Variants in LAMA2 observed in about 807,000 individuals in gnomAD.
The protein encoded by LAMA2 is laminin subunit alpha-2.
A neutral mutation model predicts 364.8 loss-of-function variants in LAMA2; 269 were observed. The observed-to-expected ratio is 0.74, with a 90% CI of 0.67 to 0.82. The LOEUF (loss-of-function observed/expected upper bound fraction) is 0.82. Ranked by LOEUF, LAMA2 falls within the 40% of genes least tolerant of loss-of-function variation. The pLI is 0.00. For synonymous variants in LAMA2, 1,379 were observed against 1,370.6 expected (o/e 1.01, Z -0.14); for missense variants, 3,807 against 3,873.2 (o/e 0.98, Z 0.45).
intron 27 of LAMA2, among the ~76,000 whole-genome samples, chr6:129,318,291 G>C (rs577436295): frequency 6.6e-6 from 1 of 151,794 alleles, no homozygotes; most frequent in East Asian, 1.9e-4. Context: ...CTTTGCTTTT[G>C]TTTCCTTTTA....
Position 128,883,226 on chromosome 6 carries a change from A to T in LAMA2, c.-20A>T. The T allele has an allele frequency of 6.5e-7, 1 of 1,547,704 alleles. No individual in the cohort carries two copies. The highest frequency in any genetic ancestry group is 2.4e-5 in the East Asian group (1 of 40,952). On this transcript the variant is annotated 5_prime_UTR_variant, in exon 1 of 65. Transcript: ENST00000421865. Reference sequence around the variant, plus strand: ...GACTCCTCTGGCTCCCGAGAAGTGGATCCGGTCGCGGCCACTACGATGCCG... The same window carrying T: ...GACTCCTCTGGCTCCCGAGAAGTGGTTCCGGTCGCGGCCACTACGATGCCG...
In LAMA2 at chr6:129,021,599, A is replaced by G. The variant is rs143355613; in HGVS notation, c.113-28319A>G. ...CCATAAGAATTAGCAGAAGCTTTGG[A>G]GAGAAAAGGTAGGAGACTGAATGCC... On this transcript the variant is annotated intron_variant, in intron 1 of 64. Coordinates refer to ENST00000421865, the MANE Select transcript of LAMA2 (RefSeq NM_000426.4). Among the ~76,000 whole-genome samples, 951 of 152,300 alleles carry G rather than the reference A, an allele frequency of 6.2e-3. 6 individuals are homozygous for G. Among genetic ancestry groups the G allele is most frequent in the African/African-American group, 0.022 (907 of 41,560 alleles).
chr6:128,894,740 G>A (rs1183124292), intron 1 of LAMA2, among the ~76,000 whole-genome samples: 1 of 152,036 alleles, frequency 6.6e-6, no homozygotes, highest in African/African-American at 2.4e-5. Flanking sequence ...TTTTTCTTCT[G>A]GGAGTGTGTG....
At chr6:129,276,307 CT>C (rs1788325272) in intron 17 of LAMA2, among the ~76,000 whole-genome samples, 1 of 152,076 alleles carries the variant, frequency 6.6e-6, no homozygotes, top group Admixed American at 6.6e-5. Flanking sequence ...AGAACATGCC[CT>C]GATTTTCTAA....
chr6:129,202,511 C>G (rs528242884), intron 12 of LAMA2, among the ~76,000 whole-genome samples: 1 of 152,134 alleles, frequency 6.6e-6, no homozygotes, highest in African/African-American at 2.4e-5. Context: ...GAGAGCAAGC[C>G]CTCACCACAC....
intron 35 of LAMA2, among the ~76,000 whole-genome samples, chr6:129,384,300 A>G (rs541311908): frequency 6.6e-6 from 1 of 152,152 alleles, no homozygotes; most frequent in Non-Finnish European, 1.5e-5. Flanking sequence ...CCTCCAACCC[A>G]AAACAACAAC....
At chr6:129,502,833 T>G in intron 59 of LAMA2, 62 bp downstream of exon 59, 1 of 1,135,214 alleles carries the variant, frequency 8.8e-7, no homozygotes, top group Non-Finnish European at 1.3e-6. Context: ...TATTTGTGTT[T>G]AATCAAGTTG....
At chr6:129,152,687 CTT>C (rs967911489) in intron 7 of LAMA2, among the ~76,000 whole-genome samples, 1 of 152,122 alleles carries the variant, frequency 6.6e-6, no homozygotes, top group Non-Finnish European at 1.5e-5. Flanking sequence ...AAATAGGAAA[CTT>C]TTCTAACATT....
intron 1 of LAMA2, among the ~76,000 whole-genome samples, chr6:128,900,385 T>C (rs1777014738): frequency 6.6e-6 from 1 of 152,188 alleles, no homozygotes; most frequent in Non-Finnish European, 1.5e-5. Flanking sequence ...GTATCCTTAC[T>C]GCATAGCACA....
intron 29 of LAMA2, among the ~76,000 whole-genome samples, chr6:129,330,259 C>T (rs1775550196): frequency 6.6e-6 from 1 of 151,992 alleles, no homozygotes; most frequent in African/African-American, 2.4e-5. Context: ...AACCATCCCC[C>T]AATCCTAGTC....
chr6:129,140,561 A>G (rs942920657), intron 4 of LAMA2, among the ~76,000 whole-genome samples: 5 of 152,098 alleles, frequency 3.3e-5, no homozygotes, highest in African/African-American at 1.2e-4. Flanking sequence ...ACAGCAAGAC[A>G]GTGGTGGTCT....
At chr6:129,028,628 T>C (rs1786003876) in intron 1 of LAMA2, among the ~76,000 whole-genome samples, 1 of 151,834 alleles carries the variant, frequency 6.6e-6, no homozygotes, top group Non-Finnish European at 1.5e-5. Context: ...TGTTTCAACA[T>C]GCTTGGGACA....
intron 1 of LAMA2, among the ~76,000 whole-genome samples, chr6:128,923,585 T>A (rs1055637081): frequency 5.9e-5 from 9 of 152,112 alleles, no homozygotes; most frequent in African/African-American, 2.2e-4. Flanking sequence ...ATATATTTAA[T>A]ACAGAAAGGA....
At chr6:129,136,756 T>A (rs1176186483) in intron 4 of LAMA2, among the ~76,000 whole-genome samples, 1 of 152,206 alleles carries the variant, frequency 6.6e-6, no homozygotes, top group Non-Finnish European at 1.5e-5. Context: ...CATTCAGGAA[T>A]GACAAGTGCA....
chr6:129,138,141 A>G (rs189531317), intron 4 of LAMA2, among the ~76,000 whole-genome samples: 1 of 152,098 alleles, frequency 6.6e-6, no homozygotes, highest in East Asian at 1.9e-4. Context: ...GTGACCATCT[A>G]GTAGATATCC....
At chr6:129,303,260 A>C (rs910738961) in intron 22 of LAMA2, among the ~76,000 whole-genome samples, 16 of 152,180 alleles carry the variant, frequency 1.1e-4, no homozygotes, top group Non-Finnish European at 5.9e-5. Context: ...ACTAGAATAG[A>C]AAAATACAAT....
At chr6:129,462,696 C>T (rs769531151) in intron 49 of LAMA2, among the ~76,000 whole-genome samples, 21 of 151,944 alleles carry the variant, frequency 1.4e-4, no homozygotes, top group Non-Finnish European at 2.9e-4. Context: ...CCTATTTTCC[C>T]ATAAGCCCTG....
chr6:129,131,879 A>G (rs1298456031), intron 4 of LAMA2, among the ~76,000 whole-genome samples: 1 of 152,190 alleles, frequency 6.6e-6, no homozygotes, highest in Non-Finnish European at 1.5e-5. Flanking sequence ...TGAGCTACAA[A>G]TGTGGTGGCT....
intron 19 of LAMA2, among the ~76,000 whole-genome samples, chr6:129,289,677 A>G (rs1789553247): frequency 6.6e-6 from 1 of 152,136 alleles, no homozygotes; most frequent in East Asian, 1.9e-4. Context: ...TATGGTAATT[A>G]ATTATTGTAG....
Sources: gnomAD v4.1 joint callset for allele counts (sites outside exome capture counted in the v4.1 genomes callset) on GRCh38, gnomAD v4.1.1 for gene constraint, MANE v1.5 for transcripts, NCBI Gene and HGNC (gene_info 2026-07-23, HGNC 2026-07-21) for gene names.